NKAIN2: variants seen among roughly 807,000 people sequenced by gnomAD.
The protein encoded by NKAIN2 is sodium/potassium-transporting ATPase subunit beta-1-interacting protein 2.
In NKAIN2, 14 loss-of-function variants were observed where a neutral mutation model predicts 32.6. The ratio of observed to expected loss-of-function variants is 0.43; its 90% CI spans 0.28 to 0.67. The LOEUF is 0.67. Ranked by LOEUF, NKAIN2 falls within the 30% of genes least tolerant of loss-of-function variation. NKAIN2 has a pLI of 0.17. For missense variants in NKAIN2, 198 were observed against 258.3 expected, an observed-to-expected ratio of 0.77 and a Z score of 1.60; for synonymous variants, 80 against 87.2, an observed-to-expected ratio of 0.92 and a Z score of 0.46.
intron 3 of NKAIN2, among the ~76,000 whole-genome samples, chr6:124,482,086 C>G (rs919151271): frequency 6.6e-6 from 1 of 152,070 alleles, no homozygotes; most frequent in Non-Finnish European, 1.5e-5. Flanking sequence ...AAAAATTTAT[C>G]TGGGTTAGAA....
At chr6:124,446,744 A>G (rs2114610458) in intron 3 of NKAIN2, among the ~76,000 whole-genome samples, 1 of 152,268 alleles carries the variant, frequency 6.6e-6, no homozygotes, top group East Asian at 1.9e-4. Context: ...TCTCATTACT[A>G]TGTATGTGAT....
intron 1 of NKAIN2, among the ~76,000 whole-genome samples, chr6:124,039,390 A>G (rs1261692787): frequency 2.0e-5 from 3 of 151,858 alleles, no homozygotes; most frequent in Admixed American, 2.0e-4. Flanking sequence ...CAAATGCGTT[A>G]TATATATTTA....
At chr6:124,723,125 T>G (rs571780292) in intron 4 of NKAIN2, among the ~76,000 whole-genome samples, 1 of 152,212 alleles carries the variant, frequency 6.6e-6, no homozygotes, top group East Asian at 1.9e-4. Flanking sequence ...AAAGAAAATT[T>G]GCAGAGAATC....
intron 1 of NKAIN2, among the ~76,000 whole-genome samples, chr6:124,237,553 G>A (rs1792842467): frequency 4.6e-5 from 7 of 152,104 alleles, no homozygotes; most frequent in Admixed American, 4.6e-4. Context: ...TGAAAGAACT[G>A]TACTCAAGAA....
intron 5 of NKAIN2, among the ~76,000 whole-genome samples, chr6:124,797,110 C>G (rs552822927): frequency 1.2e-4 from 16 of 138,982 alleles, no homozygotes; most frequent in African/African-American, 4.4e-4. Context: ...TAGCACTGTT[C>G]GATGTGGCAA....
intron 3 of NKAIN2, among the ~76,000 whole-genome samples, chr6:124,462,011 A>G (rs1776551437): frequency 6.6e-6 from 1 of 151,952 alleles, no homozygotes; most frequent in South Asian, 2.1e-4. Flanking sequence ...CAATATTTGC[A>G]TGTAACAATA....
In NKAIN2 at chr6:124,161,665, T is replaced by C. The variant is rs576525257; in HGVS notation, c.55-121340T>C. Among the ~76,000 whole-genome samples the C allele has an allele frequency of 2.0e-5, 3 of 152,218 alleles. No homozygotes were observed. The South Asian group carries it at 6.2e-4, about 32-fold the overall frequency. On this transcript the variant is annotated intron_variant, in intron 1 of 6. Coordinates refer to ENST00000368417, the MANE Select transcript of NKAIN2 (RefSeq NM_001040214.3). ...AGACATTATAAGGGTGCAGAAACTT[T>C]CAAAACATGACTTTGTGTTTTAGAT...
chr6:123,896,893 T>C (rs1015656952), intron 1 of NKAIN2, among the ~76,000 whole-genome samples: 6 of 152,162 alleles, frequency 3.9e-5, no homozygotes, highest in Admixed American at 6.5e-5. Context: ...TCAAAAGATA[T>C]AATTTTTTCA....
chr6:124,136,895 A>T (rs1466831008), intron 1 of NKAIN2, among the ~76,000 whole-genome samples: 1 of 152,152 alleles, frequency 6.6e-6, no homozygotes, highest in Non-Finnish European at 1.5e-5. Context: ...ACAGACCCAC[A>T]TCTAATATCA....
At chr6:124,596,017 C>T (rs1381933333) in intron 3 of NKAIN2, among the ~76,000 whole-genome samples, 1 of 152,114 alleles carries the variant, frequency 6.6e-6, no homozygotes, top group Non-Finnish European at 1.5e-5. Context: ...TCTCACATTA[C>T]CTCCTGGAGG....
At chr6:123,953,323 A>G (rs1261471499) in intron 1 of NKAIN2, among the ~76,000 whole-genome samples, 1 of 152,104 alleles carries the variant, frequency 6.6e-6, no homozygotes, top group Non-Finnish European at 1.5e-5. Flanking sequence ...TGGCACTGGT[A>G]TTAGTGAATT....
intron 1 of NKAIN2, among the ~76,000 whole-genome samples, chr6:124,265,418 A>G (rs1326738695): frequency 6.6e-6 from 1 of 152,204 alleles, no homozygotes; most frequent in Non-Finnish European, 1.5e-5. Context: ...AGTTCAATTC[A>G]GGACACATAG....
chr6:124,807,601 C>T (rs1411186841), intron 5 of NKAIN2, among the ~76,000 whole-genome samples: 2 of 145,032 alleles, frequency 1.4e-5, no homozygotes, highest in East Asian at 2.1e-4. Context: ...AGAGCAAACA[C>T]ATTCAAAAGC....
intron 1 of NKAIN2, among the ~76,000 whole-genome samples, chr6:123,910,653 G>A (rs955287254): frequency 1.3e-5 from 2 of 151,524 alleles, no homozygotes; most frequent in African/African-American, 4.9e-5. Context: ...ATACAGGCAC[G>A]CACAACCATG....
At chr6:124,134,847 T>C (rs1168113919) in intron 1 of NKAIN2, among the ~76,000 whole-genome samples, 2 of 152,106 alleles carry the variant, frequency 1.3e-5, no homozygotes, top group African/African-American at 2.4e-5. Flanking sequence ...AGACATCAGG[T>C]TATCTAAAGT....
At chr6:124,338,190 A>G (rs982927403) in intron 2 of NKAIN2, among the ~76,000 whole-genome samples, 1 of 152,142 alleles carries the variant, frequency 6.6e-6, no homozygotes, top group African/African-American at 2.4e-5. Context: ...ACATAGCTAA[A>G]AGTGATGCTC....
chr6:124,572,593 A>G (rs1336767298), intron 3 of NKAIN2, among the ~76,000 whole-genome samples: 1 of 152,168 alleles, frequency 6.6e-6, no homozygotes, highest in Non-Finnish European at 1.5e-5. Context: ...CAAAAAAGAG[A>G]AGCTGCCTAT....
At chr6:124,712,844 GTTTTA>G (rs1562339781) in intron 4 of NKAIN2, among the ~76,000 whole-genome samples, 1 of 151,906 alleles carries the variant, frequency 6.6e-6, no homozygotes, top group Non-Finnish European at 1.5e-5. Flanking sequence ...ACTCTAGTTG[GTTTTA>G]TTTTAAGAAG....
At chr6:124,592,710 C>T (rs1781953919) in intron 3 of NKAIN2, among the ~76,000 whole-genome samples, 1 of 152,152 alleles carries the variant, frequency 6.6e-6, no homozygotes. Flanking sequence ...ACAATACAGT[C>T]CTCTTATCAT....
Sources: allele counts gnomAD v4.1 joint callset (sites outside exome capture counted in the v4.1 genomes callset), GRCh38; gene constraint gnomAD v4.1.1; transcripts MANE v1.5; gene names NCBI Gene and HGNC (gene_info 2026-07-23, HGNC 2026-07-21).